The following ZFPM2 variants were observed in gnomAD, a reference collection of about 807,000 sequenced individuals.
The protein encoded by ZFPM2 is zinc finger protein, FOG family member 2, also known as zinc finger protein ZFPM2.
A neutral mutation model predicts 98.6 loss-of-function variants in ZFPM2; 20 were observed. That is an observed-to-expected ratio of 0.20 (90% CI 0.14 to 0.29). The LOEUF (loss-of-function observed/expected upper bound fraction) is 0.29, where lower values mean the gene tolerates loss of function less well. ZFPM2 is among the 10% of genes least tolerant of loss of function. The pLI, the probability that ZFPM2 is intolerant of heterozygous loss-of-function variation, is 1.00. For synonymous variants in ZFPM2, 518 were observed against 502.7 expected (o/e 1.03, Z -0.41); for missense variants, 1,310 against 1,388.6 (o/e 0.94, Z 0.90).
intron 1 of ZFPM2, among the ~76,000 whole-genome samples, chr8:105,386,869 C>A (rs1273148029): frequency 1.3e-5 from 2 of 152,072 alleles, no homozygotes; most frequent in African/African-American, 4.8e-5. Flanking sequence ...TCCACGTACC[C>A]ACTAGATTAG....
chr8:105,335,612 C>G (rs1812312048), intron 1 of ZFPM2, among the ~76,000 whole-genome samples: 1 of 151,746 alleles, frequency 6.6e-6, no homozygotes, highest in African/African-American at 2.4e-5. Flanking sequence ...CCCTGGCTCC[C>G]ATGTGGCCAG....
intron 1 of ZFPM2, among the ~76,000 whole-genome samples, chr8:105,400,017 C>T (rs1811305557): frequency 6.6e-6 from 1 of 152,128 alleles, no homozygotes; most frequent in Admixed American, 6.5e-5. Flanking sequence ...ATCCGCTCGT[C>T]TCGGCCTCCC....
chr8:105,556,763 C>T (rs2130684475), intron 3 of ZFPM2, among the ~76,000 whole-genome samples: 1 of 142,104 alleles, frequency 7.0e-6, no homozygotes, highest in East Asian at 2.3e-4. Flanking sequence ...TGCTCTGTCA[C>T]CCAGGCTGGA....
intron 5 of ZFPM2, among the ~76,000 whole-genome samples, chr8:105,677,842 A>G (rs910899887): frequency 5.9e-5 from 9 of 152,182 alleles, no homozygotes; most frequent in Non-Finnish European, 8.8e-5. Flanking sequence ...TGACGAAGTT[A>G]TTGTACTTCC....
chr8:105,682,287 T>G (rs1486891336), intron 5 of ZFPM2, among the ~76,000 whole-genome samples: 1 of 152,242 alleles, frequency 6.6e-6, no homozygotes. Context: ...GGCATCATCA[T>G]TCTCGTGTCA....
chr8:105,617,513 C>T (rs1263853516), intron 4 of ZFPM2, among the ~76,000 whole-genome samples: 1 of 152,176 alleles, frequency 6.6e-6, no homozygotes, highest in Non-Finnish European at 1.5e-5. Context: ...TAAGTGGTTG[C>T]ATCCAGAGGT....
At chr8:105,500,417 T>C (rs1813567163) in intron 3 of ZFPM2, among the ~76,000 whole-genome samples, 2 of 152,156 alleles carry the variant, frequency 1.3e-5, no homozygotes. Context: ...TGAATGGCAT[T>C]TTTATATTTA....
Position 105,464,829 on chromosome 8 carries a change from T to C in ZFPM2, c.301+20448T>C, listed in dbSNP as rs188223179. Among the ~76,000 whole-genome samples the C allele has an allele frequency of 5.3e-3, 813 of 152,046 alleles. 7 individuals carry two copies. The highest frequency in any genetic ancestry group is 4.7e-3 in the Non-Finnish European group (316 of 67,954). ...TGATCTGTAGAAGTTCCAACTGTATTGAAAGCACCAATTCTAGGGAATGAA... is the reference window on the plus strand; with the variant it reads ...TGATCTGTAGAAGTTCCAACTGTATCGAAAGCACCAATTCTAGGGAATGAA... On this transcript the variant is annotated intron_variant, in intron 3 of 7. Transcript: ENST00000407775.
chr8:105,422,351 T>C (rs1346754550), intron 2 of ZFPM2, among the ~76,000 whole-genome samples: 3 of 151,960 alleles, frequency 2.0e-5, no homozygotes, highest in African/African-American at 4.8e-5. Flanking sequence ...GCAGACAGAA[T>C]TGCTTGAACC....
chr8:105,554,344 T>C (rs1814935101), intron 3 of ZFPM2, among the ~76,000 whole-genome samples: 1 of 152,190 alleles, frequency 6.6e-6, no homozygotes, highest in South Asian at 2.1e-4. Flanking sequence ...CTTAGGTATC[T>C]GGCAGGCAGC....
intron 4 of ZFPM2, among the ~76,000 whole-genome samples, chr8:105,605,486 TGA>T (rs1472956019): frequency 3.9e-5 from 6 of 152,114 alleles, no homozygotes; most frequent in Non-Finnish European, 7.4e-5. Flanking sequence ...TTAAAACTGT[TGA>T]TAGATAATTC....
At chr8:105,609,388 T>C (rs1480233388) in intron 4 of ZFPM2, among the ~76,000 whole-genome samples, 2 of 152,142 alleles carry the variant, frequency 1.3e-5, no homozygotes, top group African/African-American at 4.8e-5. Flanking sequence ...TGGAAACTTA[T>C]CAAGTCATCA....
At chr8:105,408,808 A>G (rs1383590) in intron 1 of ZFPM2, among the ~76,000 whole-genome samples, 51,211 of 151,598 alleles carry the variant, frequency 0.34, 10,745 homozygotes, top group African/African-American at 0.59. Flanking sequence ...CAGGAGCAGG[A>G]GGCACACCTA....
chr8:105,802,572 A>T lies in ZFPM2; in HGVS notation c.2490A>T (p.Ile830=), dbSNP rs368201603. 326 of 1,610,842 alleles carry T rather than the reference A, an allele frequency of 2.0e-4. No homozygotes were observed. The highest frequency in any genetic ancestry group is 1.1e-3 in the Admixed American group (63 of 59,502). Residue 830 remains isoleucine, a synonymous_variant, in exon 8 of 8, where the codon ATA becomes ATT. Transcript: ENST00000407775. The part of the protein sequence containing the change: ...SVSCLEMDVP[I]DLSKKCLSQS... ...CCTGCCTAGAGATGGACGTGCCCAT[A>T]GATCTCAGCAAAAAGTGTTTATCTC... is the stretch of plus-strand genomic sequence containing the variant.
intron 4 of ZFPM2, among the ~76,000 whole-genome samples, chr8:105,574,861 A>C (rs1815430486): frequency 6.6e-6 from 1 of 151,502 alleles, no homozygotes; most frequent in Admixed American, 6.6e-5. Flanking sequence ...TAGTGCATTT[A>C]AAGGTACCCA....
In ZFPM2 at chr8:105,801,523, T is replaced by G. The variant is rs1814014726; in HGVS notation, c.1441T>G (p.Ser481Ala). Residue 481 changes from serine to alanine, a missense_variant, in exon 8 of 8, where the codon TCA becomes GCA. Coordinates refer to ENST00000407775, the MANE Select transcript of ZFPM2 (RefSeq NM_012082.4). ...KSEPSSPRLA[S>A]SPVQPNIGPS... ...TGAGCCCTCTAGCCCAAGACTTGCCTCATCTCCAGTTCAGCCTAATATTGG... is the reference window on the plus strand; with the variant it reads ...TGAGCCCTCTAGCCCAAGACTTGCCGCATCTCCAGTTCAGCCTAATATTGG... 6.2e-7 allele frequency: 1 copy of G among 1,613,964 alleles called. No homozygotes were observed. The highest frequency in any genetic ancestry group is 8.5e-7 in the Non-Finnish European group (1 of 1,179,876).
chr8:105,366,003 C>T (rs532925116), intron 1 of ZFPM2, among the ~76,000 whole-genome samples: 2 of 152,262 alleles, frequency 1.3e-5, no homozygotes, highest in African/African-American at 2.4e-5. Context: ...AAGTGTAAAA[C>T]TTCCCACATC....
intron 3 of ZFPM2, among the ~76,000 whole-genome samples, chr8:105,533,261 A>G (rs1309165986): frequency 1.3e-5 from 2 of 152,142 alleles, no homozygotes; most frequent in African/African-American, 4.8e-5. Context: ...GACTGGCCAT[A>G]AAAGGACAGT....
chr8:105,340,828 C>T (rs775577003), intron 1 of ZFPM2, among the ~76,000 whole-genome samples: 2 of 151,870 alleles, frequency 1.3e-5, no homozygotes, highest in Non-Finnish European at 2.9e-5. Context: ...ATGTGCAATG[C>T]AATTTCAGAT....
Sources: allele counts gnomAD v4.1 joint callset (sites outside exome capture counted in the v4.1 genomes callset), GRCh38; gene constraint gnomAD v4.1.1; transcripts MANE v1.5; gene names NCBI Gene and HGNC (gene_info 2026-07-23, HGNC 2026-07-21).